The following NPSR1 variants were observed in gnomAD, a reference collection of about 807,000 sequenced individuals.
NPSR1 encodes the protein neuropeptide S receptor.
In NPSR1, 48 loss-of-function variants were observed where a neutral mutation model predicts 46.9. The ratio of observed to expected loss-of-function variants is 1.02; its 90% CI spans 0.81 to 1.30. The LOEUF (loss-of-function observed/expected upper bound fraction) is 1.30, where lower values mean the gene tolerates loss of function less well. Among genes scored for constraint, NPSR1 ranks in the 50% most tolerant of loss-of-function variants. NPSR1 has a pLI of 0.00. For synonymous variants in NPSR1, 176 were observed against 168.1 expected (o/e 1.05, Z -0.36); for missense variants, 450 against 449.5 (o/e 1.00, Z -0.01).
downstream of NPSR1, among the ~76,000 whole-genome samples, chr7:34,852,558 A>T (rs1743210498): frequency 6.6e-6 from 1 of 152,112 alleles, no homozygotes; most frequent in African/African-American, 2.4e-5. Flanking sequence ...TCCCCAGGGG[A>T]CCAATGACTC....
intron 4 of NPSR1, among the ~76,000 whole-genome samples, chr7:34,821,228 A>C (rs1368251020): frequency 7.0e-6 from 1 of 142,228 alleles, no homozygotes; most frequent in Non-Finnish European, 1.5e-5. Context: ...TCTGCCTCCC[A>C]GGTTCAAGTG....
chr7:34,824,820 G>A (rs1028797379), intron 4 of NPSR1, among the ~76,000 whole-genome samples: 1 of 152,130 alleles, frequency 6.6e-6, no homozygotes, highest in South Asian at 2.1e-4. Context: ...ACAGGGGGCA[G>A]CTACTAATGT....
intron 2 of NPSR1, among the ~76,000 whole-genome samples, chr7:34,739,700 G>T (rs1222713849): frequency 6.6e-6 from 1 of 152,152 alleles, no homozygotes; most frequent in Non-Finnish European, 1.5e-5. Flanking sequence ...CACCGAGCAG[G>T]TCTACCAGGC....
downstream of NPSR1, among the ~76,000 whole-genome samples, chr7:34,851,218 G>A (rs1252496588): frequency 6.8e-6 from 1 of 148,024 alleles, no homozygotes; most frequent in African/African-American, 2.5e-5. Flanking sequence ...TGCTAGTGGA[G>A]TCATTAAATT....
intron 4 of NPSR1, among the ~76,000 whole-genome samples, chr7:34,823,443 A>G (rs1298509797): frequency 2.6e-5 from 4 of 150,962 alleles, no homozygotes; most frequent in Non-Finnish European, 5.9e-5. Context: ...TAGAAAATGT[A>G]TAGAAATATT....
intron 3 of NPSR1, among the ~76,000 whole-genome samples, chr7:34,785,332 G>A (rs1787414600): frequency 7.1e-6 from 1 of 140,096 alleles, no homozygotes; most frequent in African/African-American, 2.7e-5. Context: ...ACTGAACAAT[G>A]AGAACACATG....
At chr7:34,868,510 T>C (rs914061988) in intron 8 of NPSR1, among the ~76,000 whole-genome samples, 1 of 151,618 alleles carries the variant, frequency 6.6e-6, no homozygotes, top group Non-Finnish European at 1.5e-5. Flanking sequence ...GCACTCAACA[T>C]CTAGCATGAC....
At chr7:34,799,595 C>T (rs1788372437) in intron 3 of NPSR1, among the ~76,000 whole-genome samples, 1 of 149,972 alleles carries the variant, frequency 6.7e-6, no homozygotes, top group Admixed American at 6.7e-5. Flanking sequence ...ACAACCGGTA[C>T]CAGCCACTGC....
At chr7:34,790,253 AAAATG>A (rs2128742487) in intron 3 of NPSR1, among the ~76,000 whole-genome samples, 1 of 152,308 alleles carries the variant, frequency 6.6e-6, no homozygotes, top group African/African-American at 2.4e-5. Context: ...CCACATTAAC[AAAATG>A]AAAGATAAAA....
chr7:34,788,164 T>G (rs114474041), intron 3 of NPSR1, among the ~76,000 whole-genome samples: 130 of 150,484 alleles, frequency 8.6e-4, no homozygotes, highest in African/African-American at 3.0e-3. Context: ...GTGTAGAGTT[T>G]TTGTGTGTAA....
intron 2 of NPSR1, among the ~76,000 whole-genome samples, chr7:34,763,614 A>C (rs1455755666): frequency 6.6e-6 from 1 of 152,196 alleles, no homozygotes; most frequent in African/African-American, 2.4e-5. Flanking sequence ...AGTACTCAGA[A>C]AAGGTGTTAT....
In NPSR1 at chr7:34,697,559, C is replaced by T. The variant is rs896957411; in HGVS notation, c.280+12875C>T. Among the ~76,000 whole-genome samples the T allele has an allele frequency of 2.6e-5, 4 of 152,052 alleles. No individual in the cohort carries two copies. The South Asian group carries it at 6.2e-4, about 24-fold the overall frequency. On this transcript the variant is annotated intron_variant, in intron 2 of 8. Transcript: ENST00000360581. ...ATAGTATTTGCATATAACCTACATACACCCTCCTGTATACTTTAAGTCATC... is the reference window on the plus strand; with the variant it reads ...ATAGTATTTGCATATAACCTACATATACCCTCCTGTATACTTTAAGTCATC...
intron 2 of NPSR1, among the ~76,000 whole-genome samples, chr7:34,749,180 T>C (rs1038075557): frequency 1.3e-5 from 2 of 152,136 alleles, no homozygotes; most frequent in South Asian, 2.1e-4. Flanking sequence ...GTGTGGCCAC[T>C]CTCAGTTTGA....
intron 4 of NPSR1, among the ~76,000 whole-genome samples, chr7:34,818,242 G>T (rs557060352): frequency 1.3e-5 from 2 of 152,050 alleles, no homozygotes; most frequent in Non-Finnish European, 2.9e-5. Context: ...AAATCAATGC[G>T]CAAAAATCAC....
chr7:34,831,629 G>A (rs1448498971), intron 5 of NPSR1, among the ~76,000 whole-genome samples: 1 of 152,074 alleles, frequency 6.6e-6, no homozygotes, highest in Non-Finnish European at 1.5e-5. Context: ...TGACAGCAAA[G>A]GCAATACATT....
At chr7:34,779,398 A>G in intron 3 of NPSR1, 1 of 280,794 alleles carries the variant, frequency 3.6e-6, no homozygotes, top group Non-Finnish European at 6.9e-6. Flanking sequence ...TCAGGTCTAA[A>G]TTATTATAGC....
chr7:34,850,089 G>A (rs1790889296), downstream of NPSR1: 2 of 639,404 alleles, frequency 3.1e-6, no homozygotes, highest in African/African-American at 4.0e-5. Flanking sequence ...TTTTGGATTG[G>A]AGGTTCAGTG....
intron 2 of NPSR1, among the ~76,000 whole-genome samples, chr7:34,760,065 AAGTGTGTT>A (rs1390736221): frequency 2.0e-5 from 3 of 152,226 alleles, no homozygotes; most frequent in African/African-American, 7.2e-5. Flanking sequence ...TAGACTGATC[AAGTGTGTT>A]AATCAAATAT....
rs1562730003 is a variant in NPSR1 at position 34,790,945 on chromosome 7, CATATATGTTATATGTTATATT to C, written c.384+12422_384+12442del. On this transcript the variant is annotated intron_variant, in intron 3 of 8. Coordinates refer to ENST00000360581, the MANE Select transcript of NPSR1 (RefSeq NM_207172.2). The stretch of plus-strand genomic sequence containing the variant: ...ATATGTTATATGTTATATTATATAT[CATATATGTTATATGTTATATT>C]ATATATGTTATATGTTATATTATAT... Among the ~76,000 whole-genome samples the C allele has an allele frequency of 4.3e-3, 418 of 96,426 alleles. 11 individuals carry two copies. Among genetic ancestry groups the C allele is most frequent in the African/African-American group, 9.7e-3 (212 of 21,858 alleles). 63.3% of individuals were successfully genotyped at this position (96,426 alleles called of 152,430 possible).
Sources: allele counts gnomAD v4.1 joint callset (sites outside exome capture counted in the v4.1 genomes callset), GRCh38; gene constraint gnomAD v4.1.1; transcripts MANE v1.5; gene names NCBI Gene and HGNC (gene_info 2026-07-23, HGNC 2026-07-21).